MLPH: variants seen among roughly 807,000 people sequenced by gnomAD.
MLPH encodes exophilin-3.
In MLPH, 51 loss-of-function variants were observed where a neutral mutation model predicts 72.1. That is an observed-to-expected ratio of 0.71 (90% CI 0.56 to 0.89). The LOEUF (loss-of-function observed/expected upper bound fraction) is 0.89, where lower values mean the gene tolerates loss of function less well. Ranked by LOEUF, MLPH falls within the 40% of genes least tolerant of loss-of-function variation. The pLI is 0.00. For synonymous variants in MLPH, 301 were observed against 310.1 expected (o/e 0.97, Z 0.31); for missense variants, 743 against 759.9 (o/e 0.98, Z 0.26).
Position 237,505,919 on chromosome 2 carries a change from C to T in MLPH, c.111-4655C>T, listed in dbSNP as rs755359623. Among the ~76,000 whole-genome samples, 3 of 152,196 alleles carry T rather than the reference C, an allele frequency of 2.0e-5. No individual in the cohort carries two copies. In the East Asian group the frequency reaches 5.8e-4, roughly 29 times the overall value. The stretch of plus-strand genomic sequence containing the variant: ...GGGTCCCCTGCCCCAAGGACAAGGA[C>T]AGCACTTCCCTTCCACCCCCATGCA... On this transcript the variant is annotated intron_variant, in intron 2 of 15. Coordinates refer to ENST00000264605, the MANE Select transcript of MLPH (RefSeq NM_024101.7). The surrounding 1 kb of genome is among the most constrained non-coding windows in gnomAD (Gnocchi z 4.5).
intron 4 of MLPH, among the ~76,000 whole-genome samples, chr2:237,513,674 G>A (rs1375129486): frequency 6.6e-6 from 1 of 152,044 alleles, no homozygotes; most frequent in Non-Finnish European, 1.5e-5. Flanking sequence ...TGAGATCCTG[G>A]GATACTTCCT....
At chr2:237,532,901 G>A (rs1285710124) in intron 8 of MLPH, among the ~76,000 whole-genome samples, 1 of 152,210 alleles carries the variant, frequency 6.6e-6, no homozygotes, top group East Asian at 1.9e-4. Flanking sequence ...TATGGCACGT[G>A]CCCCAGGCAA....
At position 237,510,947 on chromosome 2, in the gene MLPH, CAGCACTCAGGCAGTGCCATGAG is replaced by C; in HGVS notation, c.333-41_333-20del. On this transcript the variant is annotated intron_variant, in intron 3 of 15. Coordinates refer to ENST00000264605, the MANE Select transcript of MLPH (RefSeq NM_024101.7). The surrounding 1 kb of genome is among the most constrained non-coding windows in gnomAD (Gnocchi z 4.4). ...TGTGAGATTTATGCAGGCCTGTGTA[CAGCACTCAGGCAGTGCCATGAG>C]CCTGTGCTTGTCCCTGCAGAGTCGT... 6.4e-7 allele frequency: 1 copy of C among 1,565,418 alleles called. No homozygotes were observed. Among genetic ancestry groups the C allele is most frequent in the Non-Finnish European group, 8.8e-7 (1 of 1,136,996 alleles).
Position 237,518,564 on chromosome 2 carries a change from G to A in MLPH, c.471G>A (p.Glu157=), listed in dbSNP as rs2080103628. 1 of 1,613,816 alleles carries A rather than the reference G, an allele frequency of 6.2e-7. No homozygotes were observed. The highest frequency in any genetic ancestry group is 8.5e-7 in the Non-Finnish European group (1 of 1,179,854). The part of the protein sequence containing the change: ...GGAGPELISE[E]RSGDSDQTDE... Reference sequence around the variant, plus strand: ...CTGGGCCTGAACTGATATCTGAAGAGAGAAGTGGAGACAGCGACCAGACAG... The same window carrying A: ...CTGGGCCTGAACTGATATCTGAAGAAAGAAGTGGAGACAGCGACCAGACAG... The change falls in exon 5 of 16, where the codon GAG becomes GAA. Residue 157 remains glutamate (E), a synonymous_variant. Transcript: ENST00000264605.
intron 2 of MLPH, among the ~76,000 whole-genome samples, chr2:237,500,375 C>T (rs1253550481): frequency 6.6e-6 from 1 of 152,230 alleles, no homozygotes; most frequent in Non-Finnish European, 1.5e-5. Context: ...ACCCATGTGG[C>T]AGCCACTAGC....
In MLPH at chr2:237,510,585, G is replaced by A. The variant is rs1559344426; in HGVS notation, c.122G>A (p.Gly41Asp). 1.2e-6 allele frequency: 2 copies of A among 1,613,258 alleles called. No homozygotes were observed. Among genetic ancestry groups the A allele is most frequent in the East Asian group, 2.2e-5 (1 of 44,876 alleles). The change falls in exon 3 of 16, where the codon GGC becomes GAC. Residue 41 changes from glycine (G) to aspartate (D), a missense_variant. Physicochemically the swap from Gly to Asp is moderately conservative, Grantham distance 94. Coordinates refer to ENST00000264605, the MANE Select transcript of MLPH (RefSeq NM_024101.7). This position sits in a 1 kb window ranked among gnomAD's most constrained non-coding sequence, Gnocchi z 4.4. ...GATATTTTCCCAAGGGCGTTGAAGG[G>A]CAAGATTAAGAAGGAAAGCTCCAAG... ...KEEERLEALKGKIKKESSKRE... is the reference protein window; with the variant it reads ...KEEERLEALKDKIKKESSKRE...
intron 7 of MLPH, among the ~76,000 whole-genome samples, chr2:237,526,335 G>A (rs1337611371): frequency 1.3e-5 from 2 of 152,154 alleles, no homozygotes; most frequent in Non-Finnish European, 2.9e-5. Flanking sequence ...GAGTTCAGAT[G>A]TCCCATCGGA....
Position 237,540,329 on chromosome 2 carries a change from C to T in MLPH, c.1105-19C>T. 1 of 1,613,016 alleles carries T rather than the reference C, an allele frequency of 6.2e-7. No individual in the cohort carries two copies. The highest frequency in any genetic ancestry group is 8.5e-7 in the Non-Finnish European group (1 of 1,179,942). ...CCAGATGGCTAGCCGAATCCAAATC[C>T]ACTGGCCTGTTCTGTCAGGGTCTAG... is the stretch of plus-strand genomic sequence containing the variant. On this transcript the variant is annotated intron_variant, in intron 9 of 15. Coordinates refer to ENST00000264605, the MANE Select transcript of MLPH (RefSeq NM_024101.7).
chr2:237,534,295 T>A (rs2080486142), intron 8 of MLPH, among the ~76,000 whole-genome samples: 1 of 152,200 alleles, frequency 6.6e-6, no homozygotes, highest in African/African-American at 2.4e-5. Flanking sequence ...CAGCTCCTTG[T>A]CCTGCTGGAC....
chr2:237,540,548 C>A lies in MLPH; in HGVS notation c.1290+15C>A. ...CGGACCCGGAGGTAAGACTATCCCC[C>A]AGAGGTCTCAGCAGGACCCTGCAGA... On this transcript the variant is annotated intron_variant, in intron 10 of 15. Coordinates refer to ENST00000264605, the MANE Select transcript of MLPH (RefSeq NM_024101.7). The A allele has an allele frequency of 6.2e-7, 1 of 1,606,130 alleles. No homozygotes were observed.
chr2:237,552,341 AGAT>A lies in MLPH; in HGVS notation c.1687_1689del (p.Asp563del). 17 of 1,614,070 alleles carry A rather than the reference AGAT, an allele frequency of 1.1e-5. No individual in the cohort carries two copies. The highest frequency in any genetic ancestry group is 1.4e-5 in the Non-Finnish European group (16 of 1,179,910). ...CTCTTCCTGTTTTCCCCAAAGGTAA[AGAT>A]GATGATTCTTTTGATCGGAAATCAG... On this transcript the variant is annotated inframe_deletion, in exon 15 of 16. Transcript: ENST00000264605.
At position 237,527,581 on chromosome 2, in the gene MLPH, C is replaced by G. The variant is rs2080332606; in HGVS notation, c.1020+65C>G. 1.9e-6 allele frequency: 3 copies of G among 1,597,950 alleles called. No individual in the cohort carries two copies. In the East Asian group the frequency reaches 6.7e-5, roughly 36 times the overall value. On this transcript the variant is annotated intron_variant, in intron 8 of 15. Transcript: ENST00000264605. ...TGGGTGGAGTCTTTTTACCTCCACA[C>G]CAAGTCACTTTAGAGAAATTACAGC... is the stretch of plus-strand genomic sequence containing the variant.
chr2:237,495,021 G>A (rs369663085), intron 2 of MLPH, among the ~76,000 whole-genome samples: 2 of 152,116 alleles, frequency 1.3e-5, no homozygotes, highest in Admixed American at 6.5e-5. Flanking sequence ...CCCATCTCTC[G>A]GCCTTTTCCA....
chr2:237,528,597 C>A (rs111693720), intron 8 of MLPH, among the ~76,000 whole-genome samples: 5,416 of 152,220 alleles, frequency 0.036, 345 homozygotes, highest in African/African-American at 0.12. Context: ...GTGATCCCCC[C>A]ACCTTGGCCT....
intron 8 of MLPH, among the ~76,000 whole-genome samples, chr2:237,528,889 C>G (rs1033561605): frequency 6.6e-6 from 1 of 152,158 alleles, no homozygotes; most frequent in African/African-American, 2.4e-5. Flanking sequence ...CTCCTTTCAC[C>G]GAGCATAATG....
At chr2:237,500,224 G>T (rs1170459700) in intron 2 of MLPH, among the ~76,000 whole-genome samples, 1 of 152,144 alleles carries the variant, frequency 6.6e-6, no homozygotes, top group Non-Finnish European at 1.5e-5. Context: ...AGGGTCGAGG[G>T]CCCTGGCCTC....
intron 2 of MLPH, among the ~76,000 whole-genome samples, chr2:237,500,992 A>G (rs917903267): frequency 2.6e-5 from 4 of 151,734 alleles, no homozygotes; most frequent in Non-Finnish European, 5.9e-5. Context: ...AATGTGGATC[A>G]GGTCATCCCC....
At position 237,540,438 on chromosome 2, in the gene MLPH, C is replaced by G. The variant is rs2080648378; in HGVS notation, c.1195C>G (p.Gln399Glu). Residue 399 changes from glutamine to glutamate, a missense_variant, in exon 10 of 16, where the codon CAG becomes GAG. Transcript: ENST00000264605. The part of the protein sequence containing the change: ...LEELTSNVSD[Q>E]ETSSEEEEAK... ...GGAGCTGACCAGCAACGTCAGTGACCAGGAGACCTCGTCCGAGGAGGAGGA... is the reference window on the plus strand; with the variant it reads ...GGAGCTGACCAGCAACGTCAGTGACGAGGAGACCTCGTCCGAGGAGGAGGA... The G allele has an allele frequency of 6.2e-7, 1 of 1,612,864 alleles. No individual in the cohort carries two copies. The highest frequency in any genetic ancestry group is 8.5e-7 in the Non-Finnish European group (1 of 1,179,346).
intron 9 of MLPH, among the ~76,000 whole-genome samples, chr2:237,539,902 G>A (rs775098700): frequency 5.9e-5 from 9 of 152,146 alleles, no homozygotes; most frequent in African/African-American, 1.2e-4. Flanking sequence ...TAAATGAATC[G>A]TTGGCCAGAG....
Sources: allele counts gnomAD v4.1 joint callset (sites outside exome capture counted in the v4.1 genomes callset), GRCh38; gene constraint gnomAD v4.1.1; non-coding constraint Gnocchi (gnomAD v3.1); transcripts MANE v1.5; gene names NCBI Gene and HGNC (gene_info 2026-07-23, HGNC 2026-07-21).